DHX57: variants seen among roughly 807,000 people sequenced by gnomAD.
DHX57 encodes the protein DExH-box helicase 57, also known as putative ATP-dependent RNA helicase DHX57.
Under a neutral mutation model 156.2 loss-of-function variants are expected in DHX57, and 105 were observed. The ratio of observed to expected loss-of-function variants is 0.67; its 90% confidence interval spans 0.57 to 0.79. The LOEUF (loss-of-function observed/expected upper bound fraction) is 0.79. Ranked by LOEUF, DHX57 falls within the 30% of genes least tolerant of loss-of-function variation. DHX57 has a pLI of 0.00. For missense variants in DHX57, 1,847 were observed against 1,661.9 expected (o/e 1.11, Z -1.94); for synonymous variants, 704 against 595.6 (o/e 1.18, Z -2.65).
intron 2 of DHX57, among the ~76,000 whole-genome samples, chr2:38,863,951 G>A (rs1202798021): frequency 6.6e-6 from 1 of 151,972 alleles, no homozygotes; most frequent in Admixed American, 6.6e-5. Context: ...GGTAGAGGTT[G>A]CAGTAAGCCA....
At chr2:38,804,082 C>G (rs566753692) in intron 22 of DHX57, among the ~76,000 whole-genome samples, 6 of 152,194 alleles carry the variant, frequency 3.9e-5, no homozygotes, top group Non-Finnish European at 8.8e-5. Flanking sequence ...CAATTTAGTA[C>G]AAACCATTGT....
At chr2:38,816,426 G>T (rs1403791500) in intron 19 of DHX57, among the ~76,000 whole-genome samples, 1 of 152,026 alleles carries the variant, frequency 6.6e-6, no homozygotes, top group African/African-American at 2.4e-5. Context: ...ATGTTGGCCA[G>T]GCTGCTCTCG....
chr2:38,806,438 C>A (rs1668924002), intron 22 of DHX57, 121 bp downstream of exon 22: 4 of 1,058,680 alleles, frequency 3.8e-6, no homozygotes, highest in Non-Finnish European at 5.4e-6. Context: ...TTCAATCTTC[C>A]CTCAGTCAGT....
chr2:38,827,575 C>T (rs1327131703), intron 14 of DHX57, among the ~76,000 whole-genome samples: 1 of 140,280 alleles, frequency 7.1e-6, no homozygotes. Context: ...CACACACATA[C>T]ATACACACAC....
intron 16 of DHX57, among the ~76,000 whole-genome samples, chr2:38,823,868 C>T (rs1169458188): frequency 2.0e-5 from 3 of 152,044 alleles, no homozygotes; most frequent in Admixed American, 6.6e-5. Context: ...AAAAATTAGC[C>T]AGGCATGGTG....
intron 21 of DHX57, among the ~76,000 whole-genome samples, chr2:38,812,324 A>G (rs1670290606): frequency 6.6e-6 from 1 of 152,252 alleles, no homozygotes; most frequent in Non-Finnish European, 1.5e-5. Flanking sequence ...GCAGAAAATG[A>G]GCCATAAATC....
At chr2:38,831,086 A>T (rs1023772283) in intron 13 of DHX57, among the ~76,000 whole-genome samples, 1 of 152,054 alleles carries the variant, frequency 6.6e-6, no homozygotes, top group Non-Finnish European at 1.5e-5. Flanking sequence ...AAATTAAAAA[A>T]ATTATTTATT....
rs373342926 is a variant in DHX57, at chr2:38,862,307, T to C, written c.410A>G (p.Asp137Gly). Reference protein sequence around the residue: ...SERGLSGEEEDDEPDCCNDER... With the variant: ...SERGLSGEEEGDEPDCCNDER... Reference sequence around the variant, plus strand: ...ATCGTTACAGCAATCAGGCTCATCATCTTCCTCCTCCCCAGAAAGGCCTCT... The same window carrying C: ...ATCGTTACAGCAATCAGGCTCATCACCTTCCTCCTCCCCAGAAAGGCCTCT... Residue 137 changes from aspartate (D) to glycine (G), a missense_variant, in exon 4 of 24, where the codon GAT becomes GGT. Coordinates refer to ENST00000457308, the MANE Select transcript of DHX57 (RefSeq NM_198963.3). 1.6e-5 allele frequency: 25 copies of C among 1,592,178 alleles called. No homozygotes were observed. Among genetic ancestry groups the C allele is most frequent in the Admixed American group, 8.5e-5 (5 of 58,704 alleles).
chr2:38,806,739 C>A (rs970080451), intron 21 of DHX57, 46 bp from the exon 22 acceptor site: 6 of 1,553,992 alleles, frequency 3.9e-6, no homozygotes, highest in Non-Finnish European at 5.2e-6. Context: ...TATATATATT[C>A]TCATAGAAAG....
chr2:38,853,283 G>A (rs1430713107), intron 9 of DHX57: 1 of 138,598 alleles, frequency 7.2e-6, no homozygotes, highest in Non-Finnish European at 1.6e-5. Context: ...TTTTTGTTTT[G>A]TTTTGTTTTT....
intron 9 of DHX57, among the ~76,000 whole-genome samples, chr2:38,849,306 G>A (rs543736807): frequency 6.6e-6 from 1 of 152,172 alleles, no homozygotes; most frequent in African/African-American, 2.4e-5. Context: ...ATCCCAAGTT[G>A]CCTGGAATAG....
intron 13 of DHX57, 57 bp from the exon 14 acceptor site, chr2:38,828,493 G>A: frequency 1.5e-6 from 2 of 1,302,002 alleles, no homozygotes; most frequent in South Asian, 1.4e-5. Context: ...AAAGAAACAA[G>A]AAAAATTTTT....
At position 38,834,376 on chromosome 2, in the gene DHX57, C is replaced by A. The variant is rs991970829; in HGVS notation, c.2542+3455G>T. On this transcript the variant is annotated intron_variant, in intron 13 of 23. Transcript: ENST00000457308. ...AGTGGTATTAAATCAAAACTGCATA[C>A]AATGAACTATATAATACAGTATACT... Among the ~76,000 whole-genome samples, 7 of 146,436 alleles carry A rather than the reference C, an allele frequency of 4.8e-5. No individual in the cohort carries two copies. In the East Asian group the frequency reaches 7.9e-4, roughly 17 times the overall value.
chr2:38,812,398 T>C (rs1670293940), intron 21 of DHX57, among the ~76,000 whole-genome samples: 2 of 152,224 alleles, frequency 1.3e-5, no homozygotes. Context: ...TTCAGTATTC[T>C]GCCAAATTGA....
At chr2:38,843,412 A>G (rs1039089228) in intron 11 of DHX57, among the ~76,000 whole-genome samples, 1 of 152,186 alleles carries the variant, frequency 6.6e-6, no homozygotes, top group Non-Finnish European at 1.5e-5. Flanking sequence ...TGTCTCGGAG[A>G]CCAGCTAAGA....
intron 19 of DHX57, among the ~76,000 whole-genome samples, chr2:38,817,245 G>A (rs550073433): frequency 7.4e-4 from 113 of 152,046 alleles, no homozygotes; most frequent in Non-Finnish European, 1.5e-3. Flanking sequence ...AAATCTTTGA[G>A]TAAAACATGC....
chr2:38,816,094 C>G, intron 19 of DHX57: 1 of 470,738 alleles, frequency 2.1e-6, no homozygotes, highest in Non-Finnish European at 4.4e-6. Context: ...CAGTTCCTTA[C>G]TCAGGCCTAG....
intron 23 of DHX57, among the ~76,000 whole-genome samples, chr2:38,801,498 C>G (rs1161816678): frequency 6.6e-6 from 1 of 152,222 alleles, no homozygotes; most frequent in African/African-American, 2.4e-5. Context: ...CAACCTCTGC[C>G]TCCTGGGTTC....
At chr2:38,823,526 T>C (rs955554809) in intron 16 of DHX57, among the ~76,000 whole-genome samples, 1 of 152,174 alleles carries the variant, frequency 6.6e-6, no homozygotes, top group Non-Finnish European at 1.5e-5. Context: ...GAAACAGAGT[T>C]CATGACAAAA....
Sources: allele counts gnomAD v4.1 joint callset (sites outside exome capture counted in the v4.1 genomes callset), GRCh38; gene constraint gnomAD v4.1.1; transcripts MANE v1.5; gene names NCBI Gene and HGNC (gene_info 2026-07-23, HGNC 2026-07-21).